EIF3A: variants seen among roughly 807,000 people sequenced by gnomAD.
EIF3A encodes the protein EIF3, p180 subunit.
EIF3A carries 21 observed loss-of-function variants against 186.6 expected under a neutral mutation model. The observed-to-expected ratio is 0.11, with a 90% CI of 0.08 to 0.16. The LOEUF (loss-of-function observed/expected upper bound fraction) is 0.16, where lower values mean the gene tolerates loss of function less well. EIF3A is among the 10% of genes least tolerant of loss of function. The probability of loss-of-function intolerance (pLI) is 1.00; values close to 1 mark genes in which losing one functional copy is unlikely to be tolerated. For missense variants in EIF3A, 1,306 were observed against 1,796.3 expected, an observed-to-expected ratio of 0.73 and a Z score of 4.93; for synonymous variants, 563 against 584.3, an observed-to-expected ratio of 0.96 and a Z score of 0.52.
rs1240396815 is a variant in EIF3A at position 119,057,958 on chromosome 10, C to T, written c.1975G>A (p.Glu659Lys). Residue 659 changes from glutamate to lysine, a missense_variant and splice_region_variant, in exon 12 of 22, where the codon GAA (glutamate) becomes AAA (lysine). Transcript: ENST00000369144. ...TTAATAACTAAGATGCTACGTACTT[C>T]AATATCAATATCTTTGAATGCTTTG... ...GAKAFKDIDI[E>K]DLEELDPDFI... 3.1e-6 allele frequency: 5 copies of T among 1,608,674 alleles called. No individual in the cohort carries two copies. The highest frequency in any genetic ancestry group is 4.2e-6 in the Non-Finnish European group (5 of 1,177,540).
chr10:119,076,105 G>C (rs1199762749), intron 1 of EIF3A, among the ~76,000 whole-genome samples: 1 of 150,618 alleles, frequency 6.6e-6, no homozygotes, highest in Non-Finnish European at 1.5e-5. Flanking sequence ...TTGGGAGGCG[G>C]GTGGATCACG....
rs375565452 is a variant in EIF3A, at chr10:119,073,065, A to G, written c.378-12T>C. 27 of 1,586,136 alleles carry G rather than the reference A, an allele frequency of 1.7e-5. No homozygotes were observed. In the African/African-American group the frequency reaches 3.4e-4, roughly 20 times the overall value. On this transcript the variant is annotated splice_polypyrimidine_tract_variant and intron_variant, in intron 3 of 21. Coordinates refer to ENST00000369144, the MANE Select transcript of EIF3A (RefSeq NM_003750.4). ...CACTTAGGAGAACACTACAAAGAAA[A>G]AAATGTTGAAAACAATTTTAGACAG...
Position 119,080,757 on chromosome 10 carries a change from C to G in EIF3A, c.-81G>C. 6.5e-7 allele frequency: 1 copy of G among 1,528,878 alleles called. No individual in the cohort carries two copies. The highest frequency in any genetic ancestry group is 1.2e-5 in the South Asian group (1 of 81,792). The allele number at this position is 1,528,878 out of a possible 1,614,324, so 94.7% of individuals were successfully genotyped here. On this transcript the variant is annotated 5_prime_UTR_variant, in exon 1 of 22. Coordinates refer to ENST00000369144, the MANE Select transcript of EIF3A (RefSeq NM_003750.4). ...GGGAGAGGAGACGAAGGGGAACCAG[C>G]GTAAGGTCCCACGCGCCTCGCCAGC...
Position 119,054,228 on chromosome 10 carries a change from G to A in EIF3A, c.2196+2512C>T, listed in dbSNP as rs181214499. Among the ~76,000 whole-genome samples the A allele has an allele frequency of 5.1e-3, 782 of 152,218 alleles. 7 individuals are homozygous for A. Among genetic ancestry groups the A allele is most frequent in the Non-Finnish European group, 8.7e-3 (594 of 68,012 alleles). On this transcript the variant is annotated intron_variant, in intron 14 of 21. Transcript: ENST00000369144. ...GAGCCACCAGGCCTGGCCTTCTGCG[G>A]CTTTCTAACCTCTCTCAGCTATTTG...
At position 119,050,559 on chromosome 10, in the gene EIF3A, T is replaced by C. The variant is rs1848343460; in HGVS notation, c.2435A>G (p.Glu812Gly). 6.2e-7 allele frequency: 1 copy of C among 1,613,988 alleles called. No homozygotes were observed. The highest frequency in any genetic ancestry group is 1.3e-5 in the African/African-American group (1 of 74,948). ...TTCTTCTGCCCTTCTCTGCTCCTCC[T>C]CTTCTTTTTCTCTATAGTATGTTAT... Reference protein sequence around the residue: ...RRITYYREKEEEEQRRAEEQM... With the variant: ...RRITYYREKEGEEQRRAEEQM... Residue 812 changes from glutamate to glycine, a missense_variant, in exon 16 of 22, where the codon GAG becomes GGG. Physicochemically the swap from Glu to Gly is moderately conservative, Grantham distance 98. Coordinates refer to ENST00000369144, the MANE Select transcript of EIF3A (RefSeq NM_003750.4).
In EIF3A at chr10:119,056,937, T is replaced by C. The variant is rs1453783196; in HGVS notation, c.2081A>G (p.Lys694Arg). Residue 694 changes from lysine to arginine, a missense_variant and splice_region_variant, in exon 13 of 22, where the codon AAG (lysine) becomes AGG (arginine). By Grantham distance (26) the Lys-to-Arg change is conservative. Transcript: ENST00000369144. ...LQERLKNQEK[K>R]IDYFERAKRL... is the part of the protein sequence containing the mutation. ...AGGTTTACCAACCCTTTCATTTACC[T>C]TCTTTTCTTGATTCTTTAGGCGTTC... 1 of 1,607,830 alleles carries C rather than the reference T, an allele frequency of 6.2e-7. No homozygotes were observed. Among genetic ancestry groups the C allele is most frequent in the Admixed American group, 1.7e-5 (1 of 59,820 alleles).
chr10:119,050,059 G>GT (rs1848335951), intron 16 of EIF3A, 74 bp from the exon 17 acceptor site: 1 of 1,380,792 alleles, frequency 7.2e-7, no homozygotes, highest in Non-Finnish European at 1.0e-6. Context: ...CACTTTTCTG[G>GT]TATTAAACAG....
chr10:119,068,971 CAAAAAA>C (rs59413780), intron 6 of EIF3A, among the ~76,000 whole-genome samples: 137 of 99,004 alleles, frequency 1.4e-3, no homozygotes, highest in African/African-American at 4.3e-3. Context: ...CTCTGTCTTG[CAAAAAA>C]AAAAAAAAAA....
intron 17 of EIF3A, among the ~76,000 whole-genome samples, chr10:119,046,042 A>G (rs187305194): frequency 3.3e-5 from 5 of 152,350 alleles, no homozygotes; most frequent in South Asian, 2.1e-4. Flanking sequence ...TCCTTAAATT[A>G]AGTAGATTTT....
At chr10:119,080,139 C>T (rs1165044056) in intron 1 of EIF3A, among the ~76,000 whole-genome samples, 1 of 152,154 alleles carries the variant, frequency 6.6e-6, no homozygotes, top group African/African-American at 2.4e-5. Context: ...GCGGGAAGGC[C>T]GGGGGTGGGT....
Position 119,042,866 on chromosome 10 carries a change from A to G in EIF3A, c.2748-94T>C, listed in dbSNP as rs1364210179. ...TTTTCACATGCTTTTTAAAAACTTC[A>G]GTATGGGCCGGAGCAGTGGCTCGCA... On this transcript the variant is annotated intron_variant, in intron 18 of 21. Coordinates refer to ENST00000369144, the MANE Select transcript of EIF3A (RefSeq NM_003750.4). The surrounding 1 kb of genome is among the most constrained non-coding windows in gnomAD (Gnocchi z 7.8). The G allele has an allele frequency of 7.5e-6, 10 of 1,330,176 alleles. No homozygotes were observed. The highest frequency in any genetic ancestry group is 2.4e-5 in the Admixed American group (1 of 41,388). The allele number at this position is 1,330,176 out of a possible 1,614,324, so 82.4% of individuals were successfully genotyped here.
intron 1 of EIF3A, among the ~76,000 whole-genome samples, chr10:119,079,107 T>C (rs1589699176): frequency 1.3e-5 from 2 of 152,248 alleles, no homozygotes; most frequent in Non-Finnish European, 2.9e-5. Context: ...TGGTTTATAG[T>C]GACAAAGTTC....
In EIF3A at chr10:119,042,605, G is replaced by A. The variant is rs1357346389; in HGVS notation, c.2915C>T (p.Pro972Leu). The change falls in exon 19 of 22, where the codon CCT (proline) becomes CTT (leucine). Residue 972 changes from proline to leucine, a missense_variant. Transcript: ENST00000369144. This position sits in a 1 kb window ranked among gnomAD's most constrained non-coding sequence, Gnocchi z 7.8. The stretch of plus-strand genomic sequence containing the variant: ...ACGACGAGAGAACCTATCTTCCTCA[G>A]GACCACGTCTAGGGCCTCTGTCATC... ...MDDDRGPRRG[P>L]EEDRFSRRGA... 1 of 1,613,932 alleles carries A rather than the reference G, an allele frequency of 6.2e-7. No homozygotes were observed. The highest frequency in any genetic ancestry group is 8.5e-7 in the Non-Finnish European group (1 of 1,179,998).
At chr10:119,069,683 T>C (rs374327033) in intron 5 of EIF3A, 29 bp from the exon 6 acceptor site, 111 of 1,122,286 alleles carry the variant, frequency 9.9e-5, no homozygotes, top group Non-Finnish European at 1.1e-4. Flanking sequence ...ATTAAAGTCA[T>C]TGCATTCTAT....
intron 1 of EIF3A, among the ~76,000 whole-genome samples, chr10:119,076,322 CAA>C (rs10712381): frequency 0.027 from 3,054 of 114,414 alleles, 72 homozygotes; most frequent in East Asian, 0.077. Flanking sequence ...AACAAGTCTC[CAA>C]AAAAAAAAAA....
At chr10:119,046,917 A>G (rs1848289177) in intron 17 of EIF3A, among the ~76,000 whole-genome samples, 1 of 151,998 alleles carries the variant, frequency 6.6e-6, no homozygotes, top group African/African-American at 2.4e-5. Flanking sequence ...AGATCTCGCC[A>G]TTGCACTCCA....
intron 7 of EIF3A, among the ~76,000 whole-genome samples, chr10:119,065,132 A>G (rs1843950327): frequency 6.6e-6 from 1 of 152,058 alleles, no homozygotes. Flanking sequence ...CTTGCCCATC[A>G]TTACTTCTTC....
intron 17 of EIF3A, among the ~76,000 whole-genome samples, chr10:119,045,904 C>A (rs1251581127): frequency 1.3e-5 from 2 of 152,110 alleles, no homozygotes; most frequent in African/African-American, 2.4e-5. Context: ...GGCTGATGAG[C>A]AAACAAACTG....
intron 6 of EIF3A, among the ~76,000 whole-genome samples, chr10:119,068,118 G>T (rs1434512987): frequency 6.6e-6 from 1 of 151,770 alleles, no homozygotes; most frequent in African/African-American, 2.4e-5. Context: ...GGCCAGAAAT[G>T]TATTTTTTTT....
Sources: allele counts gnomAD v4.1 joint callset (sites outside exome capture counted in the v4.1 genomes callset), GRCh38; gene constraint gnomAD v4.1.1; non-coding constraint Gnocchi (gnomAD v3.1); transcripts MANE v1.5; gene names NCBI Gene and HGNC (gene_info 2026-07-23, HGNC 2026-07-21).